Variants in CORIN observed in about 807,000 individuals in gnomAD.
CORIN encodes atrial natriuretic peptide-converting enzyme.
CORIN carries 117 observed loss-of-function variants against 125.3 expected under a neutral mutation model. The observed-to-expected ratio is 0.93, with a 90% CI of 0.80 to 1.09. The LOEUF is 1.09. Ranked by LOEUF, CORIN falls within the 50% of genes least tolerant of loss-of-function variation. The pLI is 0.00. For synonymous variants in CORIN, 450 were observed against 466.4 expected, an observed-to-expected ratio of 0.96 and a Z score of 0.45; for missense variants, 1,253 against 1,306.7, an observed-to-expected ratio of 0.96 and a Z score of 0.63.
chr4:47,618,644 C>A (rs1722177889), intron 19 of CORIN, among the ~76,000 whole-genome samples: 1 of 151,718 alleles, frequency 6.6e-6, no homozygotes, highest in Non-Finnish European at 1.5e-5. Context: ...ATGGTGAAAC[C>A]CCGTCTTTAC....
At position 47,812,405 on chromosome 4, in the gene CORIN, T is replaced by G. The variant is rs150551475; in HGVS notation, c.64-5358A>C. On this transcript the variant is annotated intron_variant, in intron 1 of 21. Transcript: ENST00000273857. ...CTGTAGTCCCAGCTACTTAGGAAGC[T>G]GAGGTGGGAGGACTGCTTGAACCCA... 9.9e-3 allele frequency among the ~76,000 whole-genome samples: 1,501 copies of G among 152,154 alleles called. 9 individuals are homozygous for G. Among genetic ancestry groups the G allele is most frequent in the Non-Finnish European group, 0.016 (1,093 of 68,006 alleles).
At chr4:47,623,471 G>T (rs551053223) in intron 19 of CORIN, 100 bp downstream of exon 19, 5 of 1,273,116 alleles carry the variant, frequency 3.9e-6, no homozygotes, top group South Asian at 2.8e-5. Context: ...TGTGGCTTTC[G>T]CCTGGATGTG....
chr4:47,787,742 T>C (rs901981838), intron 2 of CORIN, among the ~76,000 whole-genome samples: 3 of 152,264 alleles, frequency 2.0e-5, no homozygotes, highest in African/African-American at 7.2e-5. Flanking sequence ...GCACATGCCA[T>C]GAGCAGTATA....
chr4:47,750,723 T>G (rs1167883862), intron 4 of CORIN, among the ~76,000 whole-genome samples: 2 of 152,180 alleles, frequency 1.3e-5, no homozygotes, highest in Non-Finnish European at 2.9e-5. Context: ...AGGGGATCAC[T>G]ACCCAAACTG....
At chr4:47,687,880 T>C (rs1243319311) in intron 6 of CORIN, among the ~76,000 whole-genome samples, 2 of 152,206 alleles carry the variant, frequency 1.3e-5, no homozygotes, top group Non-Finnish European at 1.5e-5. Context: ...CTTTCTACTA[T>C]TGGCTTCCAG....
intron 2 of CORIN, among the ~76,000 whole-genome samples, chr4:47,791,481 A>T (rs1731076341): frequency 6.6e-6 from 1 of 152,240 alleles, no homozygotes; most frequent in African/African-American, 2.4e-5. Context: ...AGCAATAAAA[A>T]ATTAATACAA....
chr4:47,699,868 T>A (rs1202821762), intron 5 of CORIN, among the ~76,000 whole-genome samples: 1 of 152,212 alleles, frequency 6.6e-6, no homozygotes, highest in Non-Finnish European at 1.5e-5. Flanking sequence ...GAAAATAATC[T>A]TCCCCACTGG....
intron 1 of CORIN, among the ~76,000 whole-genome samples, chr4:47,817,221 TATCA>T (rs1182564320): frequency 1.3e-5 from 2 of 151,816 alleles, no homozygotes; most frequent in Non-Finnish European, 2.9e-5. Flanking sequence ...ATCAATCGAA[TATCA>T]ATCAAAAAGA....
chr4:47,636,871 C>A (rs2109594697), intron 16 of CORIN, among the ~76,000 whole-genome samples: 1 of 152,086 alleles, frequency 6.6e-6, no homozygotes, highest in Non-Finnish European at 1.5e-5. Flanking sequence ...CTGTAGATAC[C>A]CAAAAGTGTG....
At chr4:47,713,958 G>T (rs911331480) in intron 5 of CORIN, among the ~76,000 whole-genome samples, 1 of 151,958 alleles carries the variant, frequency 6.6e-6, no homozygotes, top group Non-Finnish European at 1.5e-5. Context: ...GAGAAGTGAG[G>T]TGTGGCCATA....
At chr4:47,674,960 C>T (rs1018992659) in intron 9 of CORIN, among the ~76,000 whole-genome samples, 1 of 152,160 alleles carries the variant, frequency 6.6e-6, no homozygotes, top group Admixed American at 6.5e-5. Context: ...ATAAATAGGG[C>T]ATCAACACCA....
intron 19 of CORIN, among the ~76,000 whole-genome samples, chr4:47,606,447 T>C (rs1239997963): frequency 6.6e-6 from 1 of 152,046 alleles, no homozygotes; most frequent in East Asian, 1.9e-4. Context: ...TTAGTAGAGA[T>C]AAGGTTTTGC....
At chr4:47,793,061 T>C (rs984557696) in intron 2 of CORIN, among the ~76,000 whole-genome samples, 2 of 152,128 alleles carry the variant, frequency 1.3e-5, no homozygotes, top group Non-Finnish European at 2.9e-5. Flanking sequence ...TTACACTTTA[T>C]TGAATATAAA....
intron 19 of CORIN, among the ~76,000 whole-genome samples, chr4:47,614,427 G>T (rs532480067): frequency 6.6e-6 from 1 of 152,244 alleles, no homozygotes; most frequent in South Asian, 2.1e-4. Flanking sequence ...TCGAACTCCT[G>T]ACCTCAGGTG....
At chr4:47,751,112 G>C (rs1340759468) in intron 4 of CORIN, among the ~76,000 whole-genome samples, 1 of 152,144 alleles carries the variant, frequency 6.6e-6, no homozygotes, top group African/African-American at 2.4e-5. Flanking sequence ...CTGAATAAAA[G>C]TCTAAATCAT....
intron 5 of CORIN, among the ~76,000 whole-genome samples, chr4:47,730,915 A>T (rs1392827838): frequency 1.3e-5 from 2 of 152,234 alleles, no homozygotes; most frequent in Non-Finnish European, 2.9e-5. Context: ...TAATAGCCCA[A>T]AGGGGCAGAG....
At chr4:47,786,676 T>C in intron 3 of CORIN, 49 bp downstream of exon 3, 1 of 1,465,456 alleles carries the variant, frequency 6.8e-7, no homozygotes, top group Non-Finnish European at 9.5e-7. Flanking sequence ...CTTAAAAACC[T>C]ACCTGTGGGA....
chr4:47,677,977 C>T lies in CORIN; in HGVS notation c.1210G>A (p.Asp404Asn). The T allele has an allele frequency of 6.2e-7, 1 of 1,614,020 alleles. No homozygotes were observed. The highest frequency in any genetic ancestry group is 1.3e-5 in the African/African-American group (1 of 75,056). The change falls in exon 9 of 22, where the codon GAC (aspartate) becomes AAC (asparagine). Residue 404 changes from aspartate (D) to asparagine (N), a missense_variant. Asp to Asn is a conservative substitution (Grantham distance 23, BLOSUM62 1). Transcript: ENST00000273857. The stretch of plus-strand genomic sequence containing the variant: ...TCCTCATCACTCCCATCCTTGCAGT[C>T]CTCGTCACCATCACATTGAAACGTG... ...PSTFQCDGDE[D>N]CKDGSDEENC...
intron 5 of CORIN, among the ~76,000 whole-genome samples, chr4:47,727,842 T>C (rs1405493900): frequency 1.3e-5 from 2 of 152,174 alleles, no homozygotes; most frequent in Non-Finnish European, 2.9e-5. Context: ...TATCTGACAC[T>C]ATTTACATTC....
Sources: allele counts gnomAD v4.1 joint callset (sites outside exome capture counted in the v4.1 genomes callset), GRCh38; gene constraint gnomAD v4.1.1; transcripts MANE v1.5; gene names NCBI Gene and HGNC (gene_info 2026-07-23, HGNC 2026-07-21).